Variants in PIGK observed in about 807,000 individuals in gnomAD.
PIGK encodes the protein phosphatidylinositol glycan anchor biosynthesis class K, also known as GPI-anchor transamidase.
Under a neutral mutation model 50.6 loss-of-function variants are expected in PIGK, and 42 were observed. The observed-to-expected ratio is 0.83, with a 90% CI of 0.65 to 1.07. The LOEUF (loss-of-function observed/expected upper bound fraction) is 1.07. PIGK is among the 50% of genes least tolerant of loss of function. PIGK has a pLI of 0.00. For missense variants in PIGK, 448 were observed against 488.7 expected (o/e 0.92, Z 0.78); for synonymous variants, 151 against 156.0 (o/e 0.97, Z 0.24).
At chr1:77,195,183 G>A in intron 3 of PIGK, 1 of 1,195,568 alleles carries the variant, frequency 8.4e-7, no homozygotes. Context: ...AGACCCTCCT[G>A]TTCTTAACCG....
At chr1:77,176,570 T>C (rs1451602031) in intron 3 of PIGK, among the ~76,000 whole-genome samples, 3 of 152,206 alleles carry the variant, frequency 2.0e-5, no homozygotes, top group African/African-American at 7.2e-5. Flanking sequence ...AATTGCTTAA[T>C]GCTCCTGCAG....
intron 3 of PIGK, among the ~76,000 whole-genome samples, chr1:77,190,220 T>G (rs1655866843): frequency 6.6e-6 from 1 of 151,388 alleles, no homozygotes; most frequent in Non-Finnish European, 1.5e-5. Context: ...AGACTCCATC[T>G]CTACCAAAAA....
At chr1:77,195,070 C>T (rs1656000164) in intron 3 of PIGK, 2 of 947,468 alleles carry the variant, frequency 2.1e-6, no homozygotes, top group Admixed American at 1.8e-5. Context: ...GCACACTGCC[C>T]ATAGCAGGAA....
rs545913391 is a variant in PIGK at position 77,212,600 on chromosome 1, G to C, written c.94-2111C>G. 8.3e-4 allele frequency among the ~76,000 whole-genome samples: 126 copies of C among 152,264 alleles called. 1 individual carries two copies. Among genetic ancestry groups the C allele is most frequent in the Non-Finnish European group, 1.4e-3 (94 of 67,994 alleles). Reference sequence around the variant, plus strand: ...TCACCTATAAACACGCATAGACAAAGTGAATGAATGAAAAAGGACATTCCA... The same window carrying C: ...TCACCTATAAACACGCATAGACAAACTGAATGAATGAAAAAGGACATTCCA... On this transcript the variant is annotated intron_variant, in intron 1 of 10. Transcript: ENST00000370812.
intron 3 of PIGK, among the ~76,000 whole-genome samples, chr1:77,186,639 A>G (rs938288690): frequency 3.9e-5 from 6 of 151,962 alleles, no homozygotes; most frequent in African/African-American, 1.5e-4. Context: ...AGATATGAGG[A>G]CCCGTTCTGT....
intron 8 of PIGK, among the ~76,000 whole-genome samples, chr1:77,156,009 G>A (rs1057243517): frequency 2.0e-5 from 3 of 152,044 alleles, no homozygotes; most frequent in African/African-American, 7.3e-5. Flanking sequence ...CACACTGCCA[G>A]CAATCCTTGT....
chr1:77,153,707 C>T (rs1003329744), intron 9 of PIGK: 3 of 152,070 alleles, frequency 2.0e-5, no homozygotes, highest in Middle Eastern at 3.4e-3. Context: ...ATTCCTACAA[C>T]ATTCATAAGC....
intron 8 of PIGK, among the ~76,000 whole-genome samples, chr1:77,160,224 G>A (rs1655102881): frequency 6.6e-6 from 1 of 152,094 alleles, no homozygotes; most frequent in Admixed American, 6.5e-5. Flanking sequence ...TTCACCTTCT[G>A]CCATGATTAT....
chr1:77,187,890 T>C (rs941267561), intron 3 of PIGK, among the ~76,000 whole-genome samples: 30 of 152,236 alleles, frequency 2.0e-4, no homozygotes, highest in Admixed American at 1.9e-3. Flanking sequence ...TTAATACTTT[T>C]ATAATTTCTT....
intron 8 of PIGK, among the ~76,000 whole-genome samples, chr1:77,159,441 G>A (rs571622452): frequency 1.3e-5 from 2 of 152,332 alleles, no homozygotes; most frequent in South Asian, 2.1e-4. Context: ...GTGGAGCTGT[G>A]AGAAGAGGGC....
At chr1:77,136,324 T>C (rs1291263019) in intron 9 of PIGK, among the ~76,000 whole-genome samples, 3 of 151,648 alleles carry the variant, frequency 2.0e-5, no homozygotes, top group Non-Finnish European at 4.4e-5. Context: ...GGTCAGGAGA[T>C]CGAGACCATC....
chr1:77,190,235 C>CA (rs1399465215), intron 3 of PIGK, among the ~76,000 whole-genome samples: 4 of 150,736 alleles, frequency 2.7e-5, no homozygotes, highest in African/African-American at 7.3e-5. Flanking sequence ...CAAAAAAAAA[C>CA]AAAAAACAAA....
At chr1:77,116,113 T>C (rs889703613) in intron 10 of PIGK, among the ~76,000 whole-genome samples, 1 of 152,158 alleles carries the variant, frequency 6.6e-6, no homozygotes, top group African/African-American at 2.4e-5. Context: ...TCTGCCTTAG[T>C]GGAGGGACCT....
At chr1:77,202,562 C>T (rs539411304) in intron 3 of PIGK, among the ~76,000 whole-genome samples, 1 of 152,108 alleles carries the variant, frequency 6.6e-6, no homozygotes, top group African/African-American at 2.4e-5. Flanking sequence ...AATCAGACTG[C>T]AAAAAGTCTT....
At chr1:77,160,662 T>C (rs1036093409) in intron 8 of PIGK, among the ~76,000 whole-genome samples, 3 of 152,358 alleles carry the variant, frequency 2.0e-5, no homozygotes, top group Admixed American at 1.3e-4. Context: ...CAGTCTAGAA[T>C]TGTTGTTTCA....
At chr1:77,190,093 G>A (rs936076577) in intron 3 of PIGK, among the ~76,000 whole-genome samples, 2 of 151,786 alleles carry the variant, frequency 1.3e-5, no homozygotes, top group African/African-American at 2.4e-5. Context: ...ACTGCCATTT[G>A]AAAGCATTTA....
intron 3 of PIGK, among the ~76,000 whole-genome samples, chr1:77,172,404 A>G (rs1017536349): frequency 6.6e-6 from 1 of 151,998 alleles, no homozygotes. Flanking sequence ...TTTTGTCTCT[A>G]ATCTTCTTCC....
intron 3 of PIGK, among the ~76,000 whole-genome samples, chr1:77,178,915 C>T (rs1290592023): frequency 4.6e-5 from 7 of 152,218 alleles, no homozygotes; most frequent in East Asian, 1.9e-4. Flanking sequence ...GCACTAATGC[C>T]GTAAGTTTTG....
chr1:77,142,015 T>C (rs1019730167), intron 9 of PIGK, among the ~76,000 whole-genome samples: 4 of 152,106 alleles, frequency 2.6e-5, no homozygotes, highest in Non-Finnish European at 4.4e-5. Context: ...AATACTAATA[T>C]GGCAATGTCA....
Sources: gnomAD v4.1 joint callset for allele counts (sites outside exome capture counted in the v4.1 genomes callset) on GRCh38, gnomAD v4.1.1 for gene constraint, MANE v1.5 for transcripts, NCBI Gene and HGNC (gene_info 2026-07-23, HGNC 2026-07-21) for gene names.